The following FAM149B1 variants were observed in gnomAD, a reference collection of about 807,000 sequenced individuals.
The protein encoded by FAM149B1 is primary cilium assembly protein FAM149B1.
FAM149B1 carries 56 observed loss-of-function variants against 75.3 expected under a neutral mutation model. The observed-to-expected ratio is 0.74, with a 90% CI of 0.60 to 0.93. The LOEUF is 0.93. Ranked by LOEUF, FAM149B1 falls within the 40% of genes least tolerant of loss-of-function variation. The pLI is 0.00. For missense variants in FAM149B1, 639 were observed against 708.4 expected, an observed-to-expected ratio of 0.90 and a Z score of 1.11; for synonymous variants, 259 against 256.1, an observed-to-expected ratio of 1.01 and a Z score of -0.11.
At chr10:73,230,131 A>G (rs973622534) in intron 8 of FAM149B1, among the ~76,000 whole-genome samples, 7 of 152,134 alleles carry the variant, frequency 4.6e-5, no homozygotes, top group African/African-American at 1.7e-4. Flanking sequence ...AATGTAAACA[A>G]TAATAATAAA....
Position 73,168,260 on chromosome 10 carries a change from G to C in FAM149B1, c.-80G>C, listed in dbSNP as rs547212419. ...GGGGCCGGGCCGGAGCCGGCGGGAG[G>C]GCCAGGCCCGGAGGCCCCCACCCTG... On this transcript the variant is annotated 5_prime_UTR_variant, in exon 1 of 14. Coordinates refer to ENST00000242505, the MANE Select transcript of FAM149B1 (RefSeq NM_173348.2). The C allele has an allele frequency of 1.3e-6, 2 of 1,487,922 alleles. No homozygotes were observed. Among genetic ancestry groups the C allele is most frequent in the African/African-American group, 1.4e-5 (1 of 70,908 alleles). The allele number at this position is 1,487,922 out of a possible 1,614,324, so 92.2% of individuals were successfully genotyped here.
At chr10:73,178,701 C>T (rs1844079334) in intron 3 of FAM149B1, among the ~76,000 whole-genome samples, 1 of 152,144 alleles carries the variant, frequency 6.6e-6, no homozygotes, top group African/African-American at 2.4e-5. Flanking sequence ...GGTTATAAAT[C>T]ATATGTGTAG....
At position 73,177,980 on chromosome 10, in the gene FAM149B1, G is replaced by A. The variant is rs949831671; in HGVS notation, c.282+5G>A. On this transcript the variant is annotated splice_donor_5th_base_variant and intron_variant, in intron 3 of 13. Coordinates refer to ENST00000242505, the MANE Select transcript of FAM149B1 (RefSeq NM_173348.2). ...GACTTCTCCTGGGGATATGGTGTGA[G>A]TTATATGTTATCAGTCTGATAGAGT... The A allele has an allele frequency of 2.6e-6, 4 of 1,546,680 alleles. No individual in the cohort carries two copies. Among genetic ancestry groups the A allele is most frequent in the Non-Finnish European group, 2.6e-6 (3 of 1,145,554 alleles).
intron 8 of FAM149B1, among the ~76,000 whole-genome samples, chr10:73,228,879 A>G (rs569298787): frequency 2.1e-4 from 32 of 152,128 alleles, no homozygotes; most frequent in Non-Finnish European, 4.0e-4. Flanking sequence ...TACAGGCATG[A>G]GCCACCACCG....
At chr10:73,210,572 C>A in intron 7 of FAM149B1, 134 bp downstream of exon 7, 2 of 578,934 alleles carry the variant, frequency 3.5e-6, no homozygotes, top group Non-Finnish European at 5.8e-6. Context: ...GCCTATAATC[C>A]AAACACTTTG....
rs1466615694 is a variant in FAM149B1 at position 73,235,255 on chromosome 10, G to A, written c.1539G>A (p.Gln513=). ...SAVVDEPNYQ[Q]PQERLLLPDF... Reference sequence around the variant, plus strand: ...TGGTGGATGAACCTAACTATCAGCAGCCACAAGAAAGGCTCCTTTTGCCCG... The same window carrying A: ...TGGTGGATGAACCTAACTATCAGCAACCACAAGAAAGGCTCCTTTTGCCCG... The change falls in exon 12 of 14, where the codon CAG becomes CAA. Residue 513 remains glutamine (Q), a synonymous_variant. Transcript: ENST00000242505. The A allele has an allele frequency of 6.4e-7, 1 of 1,551,856 alleles. No homozygotes were observed. The highest frequency in any genetic ancestry group is 8.7e-7 in the Non-Finnish European group (1 of 1,147,050).
intron 3 of FAM149B1, among the ~76,000 whole-genome samples, chr10:73,184,871 G>A (rs1256904591): frequency 6.6e-6 from 1 of 152,036 alleles, no homozygotes; most frequent in Non-Finnish European, 1.5e-5. Context: ...TAAATCCAAA[G>A]CAAAGCAGAA....
At position 73,243,393 on chromosome 10, in the gene FAM149B1, A is replaced by C. The variant is rs2043975124; in HGVS notation, c.*2374A>C. The C allele has an allele frequency of 6.2e-7, 1 of 1,613,140 alleles. No individual in the cohort carries two copies. The highest frequency in any genetic ancestry group is 1.3e-5 in the African/African-American group (1 of 74,870). On this transcript the variant is annotated 3_prime_UTR_variant, in exon 14 of 14. Coordinates refer to ENST00000242505, the MANE Select transcript of FAM149B1 (RefSeq NM_173348.2). ...ACACCTAAGGACCTTTGAAGAGAAA[A>C]ATTCCATTATTTCTTTTCTTTCTTG...
At chr10:73,175,700 ATAAAT>A (rs1843934072) in intron 2 of FAM149B1, among the ~76,000 whole-genome samples, 2 of 131,332 alleles carry the variant, frequency 1.5e-5, no homozygotes, top group East Asian at 7.9e-4. Flanking sequence ...AAGAAAAAAC[ATAAAT>A]TAAATAAATA....
At chr10:73,203,360 T>C (rs1312917354) in intron 5 of FAM149B1, among the ~76,000 whole-genome samples, 1 of 152,150 alleles carries the variant, frequency 6.6e-6, no homozygotes, top group Non-Finnish European at 1.5e-5. Context: ...ATGAATAAAA[T>C]TGGGATGATT....
At chr10:73,185,062 A>G (rs537475803) in intron 3 of FAM149B1, among the ~76,000 whole-genome samples, 1 of 152,334 alleles carries the variant, frequency 6.6e-6, no homozygotes, top group East Asian at 1.9e-4. Context: ...ACTCAACCCT[A>G]CAGAAAGTAC....
intron 5 of FAM149B1, chr10:73,200,069 C>T (rs1433369789): frequency 1.7e-5 from 3 of 174,416 alleles, no homozygotes; most frequent in African/African-American, 7.1e-5. Context: ...TGGCTCATGC[C>T]TGTAATCCCA....
chr10:73,192,771 C>T, intron 4 of FAM149B1, 73 bp downstream of exon 4: 1 of 1,315,996 alleles, frequency 7.6e-7, no homozygotes, highest in Non-Finnish European at 1.0e-6. Context: ...AAAAAAAAAG[C>T]TTGTATTCTG....
In FAM149B1 at chr10:73,234,603, CCA is replaced by C. The variant is rs541916345; in HGVS notation, c.1353-213_1353-212del. ...GAAAAGGCCAGCTTCTGTTGTGTAC[CCA>C]GAGTATAGAGCTTCAAAACAAAATC... On this transcript the variant is annotated intron_variant, in intron 10 of 13. Transcript: ENST00000242505. 5.9e-4 allele frequency: 314 copies of C among 532,524 alleles called. 2 individuals are homozygous for C. The South Asian group carries it at 6.8e-3, about 12-fold the overall frequency. The allele number at this position is 532,524 out of a possible 1,614,324, so 33.0% of individuals were successfully genotyped here.
intron 12 of FAM149B1, 114 bp downstream of exon 12, chr10:73,235,432 T>C: frequency 2.0e-6 from 3 of 1,472,382 alleles, no homozygotes; most frequent in Non-Finnish European, 1.8e-6. Context: ...AGAATAAAAG[T>C]TGAGTTTCCA....
chr10:73,239,305 C>A lies in FAM149B1; in HGVS notation c.1603-7C>A, dbSNP rs1308792502. On this transcript the variant is annotated splice_region_variant and splice_polypyrimidine_tract_variant and intron_variant, in intron 12 of 13. Transcript: ENST00000242505. ...TCATAAGAAGTGTCTCCTCTTTTGT[C>A]TTGTAGCTGGATACACAGTATCGTC... The A allele has an allele frequency of 1.3e-6, 2 of 1,550,910 alleles. No individual in the cohort carries two copies. Among genetic ancestry groups the A allele is most frequent in the East Asian group, 4.9e-5 (2 of 40,918 alleles).
At chr10:73,214,556 G>T (rs1407174795) in intron 7 of FAM149B1, among the ~76,000 whole-genome samples, 1 of 152,158 alleles carries the variant, frequency 6.6e-6, no homozygotes, top group African/African-American at 2.4e-5. Flanking sequence ...CTATTGAGAT[G>T]ATCATTTGTT....
chr10:73,208,714 G>C lies in FAM149B1; in HGVS notation c.638G>C (p.Arg213Thr). Residue 213 changes from arginine to threonine, a missense_variant, in exon 6 of 14, where the codon AGA (arginine) becomes ACA (threonine). Arg to Thr is a moderately conservative substitution (Grantham distance 71). Transcript: ENST00000242505. ...AKSSSFCSME[R>T]DEEDSIIVSE... is the part of the protein sequence containing the mutation. The stretch of plus-strand genomic sequence containing the variant: ...TCCTCCAGCTTTTGTTCTATGGAAA[G>C]AGATGAGGAAGACTCTATAATCGTC... 1 of 1,549,002 alleles carries C rather than the reference G, an allele frequency of 6.5e-7. No homozygotes were observed. The highest frequency in any genetic ancestry group is 8.7e-7 in the Non-Finnish European group (1 of 1,145,350).
chr10:73,228,599 T>C (rs757101178), intron 8 of FAM149B1, among the ~76,000 whole-genome samples: 1 of 150,254 alleles, frequency 6.7e-6, no homozygotes, highest in Non-Finnish European at 1.5e-5. Flanking sequence ...TGTTTATTTT[T>C]TATTTTTTCA....
Sources: gnomAD v4.1 joint callset for allele counts (sites outside exome capture counted in the v4.1 genomes callset) on GRCh38, gnomAD v4.1.1 for gene constraint, MANE v1.5 for transcripts, NCBI Gene and HGNC (gene_info 2026-07-23, HGNC 2026-07-21) for gene names.